IFT74: variants seen among roughly 807,000 people sequenced by gnomAD.
IFT74 encodes the protein intraflagellar transport protein 74 homolog.
IFT74 carries 92 observed loss-of-function variants against 96.7 expected under a neutral mutation model. The ratio of observed to expected loss-of-function variants is 0.95; its 90% CI spans 0.80 to 1.13. The LOEUF is 1.13. IFT74 is among the 50% of genes most tolerant of loss of function. The pLI, the probability that IFT74 is intolerant of heterozygous loss-of-function variation, is 0.00. For missense variants in IFT74, 811 were observed against 698.2 expected (o/e 1.16, Z -1.82); for synonymous variants, 223 against 213.2 (o/e 1.05, Z -0.40).
At chr9:27,052,571 A>G (rs1024783287) in intron 16 of IFT74, among the ~76,000 whole-genome samples, 10 of 152,058 alleles carry the variant, frequency 6.6e-5, no homozygotes, top group African/African-American at 2.2e-4. Flanking sequence ...AGTTTGAAAA[A>G]AAATTGAAAA....
chr9:27,055,537 G>T, intron 16 of IFT74, 72 bp from the exon 17 acceptor site: 2 of 965,526 alleles, frequency 2.1e-6, no homozygotes, highest in Non-Finnish European at 3.0e-6. Flanking sequence ...ATTTTTAATA[G>T]TTGCATTACA....
At chr9:27,027,020 T>G (rs147149582) in intron 12 of IFT74, among the ~76,000 whole-genome samples, 1 of 151,958 alleles carries the variant, frequency 6.6e-6, no homozygotes, top group East Asian at 1.9e-4. Flanking sequence ...GAAAGATAAA[T>G]GAAGCAAAAA....
chr9:27,016,922 C>T lies in IFT74; in HGVS notation c.805C>T (p.Gln269Ter). 6.2e-7 allele frequency: 1 copy of T among 1,604,622 alleles called. No individual in the cohort carries two copies. Among genetic ancestry groups the T allele is most frequent in the Non-Finnish European group, 8.5e-7 (1 of 1,175,914 alleles). The change falls in exon 11 of 20, where the codon CAG (glutamine) becomes TAG (stop). Residue 269 changes from glutamine to a stop codon, truncating the protein, a stop_gained. Coordinates refer to ENST00000380062, the MANE Select transcript of IFT74 (RefSeq NM_025103.4). LOFTEE classifies it high-confidence loss of function. ...TTTCCTTTAGGAAATAGCTCACTCCCAGGTGAAACAGGAGGCGGTATTGCT... is the reference window on the plus strand; with the variant it reads ...TTTCCTTTAGGAAATAGCTCACTCCTAGGTGAAACAGGAGGCGGTATTGCT... The part of the protein sequence containing the change: ...ESLEAEIAHS[Q>*]VKQEAVLLHE...
At chr9:27,036,301 C>T (rs1819177511) in intron 13 of IFT74, 1 of 1,172,866 alleles carries the variant, frequency 8.5e-7, no homozygotes, top group Non-Finnish European at 1.2e-6. Context: ...CAAGGGTCAA[C>T]TGTATTTCCC....
chr9:27,035,108 C>T (rs1236899191), intron 13 of IFT74, among the ~76,000 whole-genome samples: 1 of 152,192 alleles, frequency 6.6e-6, no homozygotes, highest in Admixed American at 6.5e-5. Context: ...AAAACACATT[C>T]ATAATAGCAG....
chr9:27,013,811 G>A (rs889793340), intron 10 of IFT74, among the ~76,000 whole-genome samples: 9 of 152,150 alleles, frequency 5.9e-5, no homozygotes, highest in African/African-American at 2.2e-4. Context: ...ACAGTATTAG[G>A]AACTGTTGTA....
chr9:26,959,596 A>G (rs1036175827), intron 1 of IFT74, among the ~76,000 whole-genome samples: 1 of 152,220 alleles, frequency 6.6e-6, no homozygotes, highest in Non-Finnish European at 1.5e-5. Context: ...CACAAAAAAG[A>G]TGGGATCAAG....
intron 1 of IFT74, among the ~76,000 whole-genome samples, chr9:26,950,537 A>G (rs927194710): frequency 6.6e-6 from 1 of 152,230 alleles, no homozygotes; most frequent in Admixed American, 6.5e-5. Context: ...TAGCCTCCAC[A>G]CTAGAATAAG....
At chr9:27,055,552 C>T in intron 16 of IFT74, 57 bp from the exon 17 acceptor site, 1 of 1,181,942 alleles carries the variant, frequency 8.5e-7, no homozygotes, top group Non-Finnish European at 1.2e-6. Flanking sequence ...ATTACATTTC[C>T]TTATGTGAAA....
At chr9:27,050,842 A>T (rs1819889365) in intron 16 of IFT74, among the ~76,000 whole-genome samples, 1 of 152,028 alleles carries the variant, frequency 6.6e-6, no homozygotes, top group Admixed American at 6.6e-5. Context: ...TATGTAACAA[A>T]CCTGCACGTT....
intron 8 of IFT74, among the ~76,000 whole-genome samples, chr9:27,008,512 C>G (rs998749983): frequency 6.6e-6 from 1 of 152,012 alleles, no homozygotes; most frequent in African/African-American, 2.4e-5. Flanking sequence ...GTGCCCGCCA[C>G]CACGTGTGGC....
chr9:27,008,916 A>G (rs1285330429), intron 8 of IFT74, 104 bp from the exon 9 acceptor site: 5 of 854,464 alleles, frequency 5.9e-6, no homozygotes, highest in Non-Finnish European at 8.8e-6. Flanking sequence ...CTGTGGTTGA[A>G]TGTCTTTAAG....
chr9:26,974,069 G>A (rs1284571140), intron 2 of IFT74, among the ~76,000 whole-genome samples: 2 of 152,138 alleles, frequency 1.3e-5, no homozygotes, highest in Non-Finnish European at 2.9e-5. Context: ...ACTCTTTAGA[G>A]GGCCTAGGAA....
chr9:26,992,137 TATATA>T (rs1459291335), intron 8 of IFT74, among the ~76,000 whole-genome samples: 1 of 152,218 alleles, frequency 6.6e-6, no homozygotes, highest in East Asian at 1.9e-4. Flanking sequence ...ATCTCAAAGT[TATATA>T]ATACCTAGGT....
chr9:27,060,961 CAAAAAA>C lies in IFT74; in HGVS notation c.1684+335_1684+340del, dbSNP rs752655360. On this transcript the variant is annotated intron_variant, in intron 19 of 19. Transcript: ENST00000380062. ...TGGGCGACAGAGCAAGACTCCATCT[CAAAAAA>C]AAAAAAAAAAAAAAAAAAAAAAAAG... 19 of 37,772 alleles carry C rather than the reference CAAAAAA, an allele frequency of 5.0e-4. No homozygotes were observed. The South Asian group carries it at 5.2e-3, about 10-fold the overall frequency. The allele number at this position is 37,772 out of a possible 1,614,324, so 2.3% of individuals were successfully genotyped here. A position where few individuals can be genotyped will look rare whatever the true frequency, so the allele number is the denominator to read the frequency against.
At chr9:26,996,608 TTA>T in intron 8 of IFT74, 1 of 662,594 alleles carries the variant, frequency 1.5e-6, no homozygotes, top group Middle Eastern at 4.7e-4. Flanking sequence ...CTTAAAGGCA[TTA>T]TAAGAAATTC....
At chr9:26,960,099 ATTGGACATTTCAGTT>A (rs1445972597) in intron 1 of IFT74, among the ~76,000 whole-genome samples, 2 of 152,154 alleles carry the variant, frequency 1.3e-5, no homozygotes, top group Non-Finnish European at 2.9e-5. Flanking sequence ...TGGGGACTCC[ATTGGACATTTCAGTT>A]TTCATCTTAC....
At chr9:27,040,518 C>G (rs1368835381) in intron 13 of IFT74, among the ~76,000 whole-genome samples, 1 of 131,682 alleles carries the variant, frequency 7.6e-6, no homozygotes, top group East Asian at 2.6e-4. Context: ...GCACTCCAGC[C>G]TGGGCAACAG....
At chr9:27,006,839 T>G (rs915582982) in intron 8 of IFT74, among the ~76,000 whole-genome samples, 19 of 132,852 alleles carry the variant, frequency 1.4e-4, no homozygotes, top group African/African-American at 3.7e-4. Context: ...GTGTTTTTTT[T>G]TTTTTTTTTT....
Sources: gnomAD v4.1 joint callset for allele counts (sites outside exome capture counted in the v4.1 genomes callset) on GRCh38, gnomAD v4.1.1 for gene constraint, MANE v1.5 for transcripts, NCBI Gene and HGNC (gene_info 2026-07-23, HGNC 2026-07-21) for gene names.